Variants in SPINK2 observed in about 807,000 individuals in gnomAD.
SPINK2 encodes serine protease inhibitor Kazal-type 2.
Under a neutral mutation model 13.5 loss-of-function variants are expected in SPINK2, and 8 were observed. The observed-to-expected ratio is 0.59, with a 90% CI of 0.35 to 1.07. The LOEUF is 1.07. Ranked by LOEUF, SPINK2 falls within the 50% of genes least tolerant of loss-of-function variation. The probability of loss-of-function intolerance (pLI) is 0.02; values close to 1 mark genes in which losing one functional copy is unlikely to be tolerated. For missense variants in SPINK2, 148 were observed against 180.3 expected (o/e 0.82, Z 1.03); for synonymous variants, 76 against 74.7 (o/e 1.02, Z -0.09).
In SPINK2 at chr4:56,816,417, C is replaced by T. The variant is rs926117611; in HGVS notation, c.249+4119G>A. On this transcript the variant is annotated intron_variant, in intron 2 of 3. Transcript: ENST00000506738. ...CTGTAATCCCACCACTTTGGGAGGC[C>T]GAGGTGGGAGGATCACTTGAGGTCA... is the stretch of plus-strand genomic sequence containing the variant. Among the ~76,000 whole-genome samples the T allele has an allele frequency of 5.3e-5, 8 of 151,594 alleles. No individual in the cohort carries two copies. In the South Asian group the frequency reaches 6.3e-4, roughly 12 times the overall value.
At chr4:56,813,192 G>A (rs1468749012) in intron 2 of SPINK2, among the ~76,000 whole-genome samples, 4 of 152,114 alleles carry the variant, frequency 2.6e-5, no homozygotes, top group African/African-American at 4.8e-5. Context: ...GGGTGGTGGC[G>A]CATGCTTGTA....
intron 2 of SPINK2, among the ~76,000 whole-genome samples, chr4:56,820,000 A>C (rs1717799622): frequency 6.6e-6 from 1 of 152,138 alleles, no homozygotes; most frequent in African/African-American, 2.4e-5. Flanking sequence ...GAGAAAACCA[A>C]ATACACACCC....
At position 56,811,688 on chromosome 4, in the gene SPINK2, A is replaced by G. The variant is rs1414997909; in HGVS notation, c.356T>C (p.Ile119Thr). The part of the protein sequence containing the change: ...YANECTLCMK[I>T]REGGHNIKII... ...TACAGCTGTAAAATCATGTTACCTGATTTTCATGCACAGAGTACATTCATT... is the reference window on the plus strand; with the variant it reads ...TACAGCTGTAAAATCATGTTACCTGGTTTTCATGCACAGAGTACATTCATT... Residue 119 changes from isoleucine to threonine, a missense_variant, in exon 3 of 4, where the codon ATC becomes ACC. Ile to Thr is a moderately conservative substitution (Grantham distance 89). Transcript: ENST00000506738. 1.3e-6 allele frequency: 2 copies of G among 1,598,592 alleles called. No homozygotes were observed. The highest frequency in any genetic ancestry group is 2.2e-5 in the South Asian group (2 of 89,406).
rs116373735 is a variant in SPINK2, at chr4:56,811,753, G to A, written c.291C>T (p.His97=). The A allele has an allele frequency of 8.7e-6, 14 of 1,611,672 alleles. No homozygotes were observed. In the African/African-American group the frequency reaches 1.9e-4, roughly 22 times the overall value. The change falls in exon 3 of 4, where the codon CAC becomes CAT. Residue 97 remains histidine (H), a synonymous_variant. Coordinates refer to ENST00000506738, the MANE Select transcript of SPINK2 (RefSeq NM_001271718.2). ...TGTCACTGCCACACACAGGGTTAAAGTGTCTGGGACATCCTGGTAATCTAT... is the reference window on the plus strand; with the variant it reads ...TGTCACTGCCACACACAGGGTTAAAATGTCTGGGACATCCTGGTAATCTAT... ...SQYRLPGCPR[H]FNPVCGSDMS...
At chr4:56,821,402 G>C in intron 1 of SPINK2, 56 bp downstream of exon 1, 1 of 1,452,162 alleles carries the variant, frequency 6.9e-7, no homozygotes, top group Non-Finnish European at 9.0e-7. Flanking sequence ...AAGAACTAAA[G>C]AGGGTGGCTG....
intron 2 of SPINK2, among the ~76,000 whole-genome samples, chr4:56,813,034 T>C (rs760755864): frequency 2.0e-5 from 3 of 152,082 alleles, no homozygotes; most frequent in East Asian, 1.9e-4. Context: ...TTAATTCTCA[T>C]AGAAGAGCGG....
intron 2 of SPINK2, among the ~76,000 whole-genome samples, chr4:56,819,658 T>C (rs11732521): frequency 0.37 from 55,633 of 149,378 alleles, 10,958 homozygotes; most frequent in East Asian, 0.59. Flanking sequence ...CTCTGTTGTC[T>C]GGGCTGGAGT....
rs368929102 is a variant in SPINK2 at position 56,811,703 on chromosome 4, G to C, written c.341C>G (p.Thr114Ser). The C allele has an allele frequency of 1.2e-6, 2 of 1,608,000 alleles. No homozygotes were observed. The highest frequency in any genetic ancestry group is 4.5e-5 in the East Asian group (2 of 44,704). The stretch of plus-strand genomic sequence containing the variant: ...ATGTTACCTGATTTTCATGCACAGA[G>C]TACATTCATTGGCATAAGTGGACAT... ...SDMSTYANEC[T>S]LCMKIREGGH... is the part of the protein sequence containing the mutation. Residue 114 changes from threonine to serine, a missense_variant, in exon 3 of 4, where the codon ACT becomes AGT. Coordinates refer to ENST00000506738, the MANE Select transcript of SPINK2 (RefSeq NM_001271718.2).
intron 2 of SPINK2, among the ~76,000 whole-genome samples, chr4:56,813,090 G>T (rs1186979626): frequency 6.6e-6 from 1 of 152,190 alleles, no homozygotes; most frequent in Admixed American, 6.6e-5. Context: ...GGGAGGCTGA[G>T]GCAGGTGGAT....
intron 1 of SPINK2, 84 bp downstream of exon 1, chr4:56,821,374 T>C (rs1717919263): frequency 5.6e-6 from 8 of 1,418,960 alleles, no homozygotes; most frequent in Admixed American, 3.0e-5. Context: ...TCCTTAGAGC[T>C]GGGAGCGAAG....
rs139625660 is a variant in SPINK2, at chr4:56,817,711, G to A, written c.249+2825C>T. Reference sequence around the variant, plus strand: ...TCTACTAAAGATATAGAAATTAGCCGAGCATGGCAGTGCACGCCTGTAATC... The same window carrying A: ...TCTACTAAAGATATAGAAATTAGCCAAGCATGGCAGTGCACGCCTGTAATC... On this transcript the variant is annotated intron_variant, in intron 2 of 3. Coordinates refer to ENST00000506738, the MANE Select transcript of SPINK2 (RefSeq NM_001271718.2). Among the ~76,000 whole-genome samples, 982 of 152,200 alleles carry A rather than the reference G, an allele frequency of 6.5e-3. 14 individuals are homozygous for A. The highest frequency in any genetic ancestry group is 0.022 in the African/African-American group (897 of 41,542).
At chr4:56,812,591 A>G (rs78108026) in intron 2 of SPINK2, among the ~76,000 whole-genome samples, 1 of 148,782 alleles carries the variant, frequency 6.7e-6, no homozygotes, top group African/African-American at 2.5e-5. Context: ...AAAAAAAAAA[A>G]GGACCTCAGA....
intron 3 of SPINK2, among the ~76,000 whole-genome samples, chr4:56,811,359 C>T (rs916098018): frequency 6.6e-6 from 1 of 152,178 alleles, no homozygotes; most frequent in Non-Finnish European, 1.5e-5. Flanking sequence ...TGGCTCACGC[C>T]TGTAATCCCA....
intron 2 of SPINK2, among the ~76,000 whole-genome samples, chr4:56,813,728 C>T (rs574169616): frequency 6.6e-6 from 1 of 151,980 alleles, no homozygotes; most frequent in South Asian, 2.1e-4. Context: ...AGCAATTCTC[C>T]TGTCTCAGCC....
intron 2 of SPINK2, among the ~76,000 whole-genome samples, chr4:56,820,284 T>A (rs777779996): frequency 4.6e-5 from 7 of 152,222 alleles, no homozygotes; most frequent in Non-Finnish European, 8.8e-5. Flanking sequence ...ACATAAAATA[T>A]CTAGTACAAG....
At chr4:56,815,761 T>TACACACACACAC (rs750290537) in intron 2 of SPINK2, among the ~76,000 whole-genome samples, 1 of 69,880 alleles carries the variant, frequency 1.4e-5, no homozygotes, top group Non-Finnish European at 2.9e-5. Flanking sequence ...TCCTAAGAAA[T>TACACACACACAC]TCACACACAC....
Position 56,811,756 on chromosome 4 carries a change from T to TC in SPINK2, c.287dup (p.His97ThrfsTer3). 6.2e-7 allele frequency: 1 copy of TC among 1,611,564 alleles called. No individual in the cohort carries two copies. Among genetic ancestry groups the TC allele is most frequent in the Non-Finnish European group, 8.5e-7 (1 of 1,178,438 alleles). On this transcript the variant is annotated frameshift_variant, in exon 3 of 4. Coordinates refer to ENST00000506738, the MANE Select transcript of SPINK2 (RefSeq NM_001271718.2). LOFTEE classifies it high-confidence loss of function. ...CACTGCCACACACAGGGTTAAAGTG[T>TC]CTGGGACATCCTGGTAATCTATACT...
At position 56,821,539 on chromosome 4, in the gene SPINK2, C is replaced by A; in HGVS notation, c.124G>T (p.Gly42Cys). 6.5e-7 allele frequency: 1 copy of A among 1,546,232 alleles called. No homozygotes were observed. The highest frequency in any genetic ancestry group is 8.7e-7 in the Non-Finnish European group (1 of 1,146,586). The change falls in exon 1 of 4, where the codon GGC becomes TGC. Residue 42 changes from glycine to cysteine, a missense_variant. Physicochemically the swap from Gly to Cys is radical, Grantham distance 159. Coordinates refer to ENST00000506738, the MANE Select transcript of SPINK2 (RefSeq NM_001271718.2). ...CCGCCCGGAGCAGGGCAGGGTCCGC[C>A]GCCGGTCTGACTCCCAAACCCGCTT... is the stretch of plus-strand genomic sequence containing the variant. ...EKSGFGSQTG[G>C]GPCPAPGGLG...
intron 2 of SPINK2, among the ~76,000 whole-genome samples, chr4:56,813,476 A>T (rs1373257451): frequency 2.0e-5 from 3 of 152,078 alleles, no homozygotes; most frequent in Non-Finnish European, 1.5e-5. Flanking sequence ...TCCTGTTAGG[A>T]GGAGGGAAGT....
Sources: allele counts gnomAD v4.1 joint callset (sites outside exome capture counted in the v4.1 genomes callset), GRCh38; gene constraint gnomAD v4.1.1; transcripts MANE v1.5; gene names NCBI Gene and HGNC (gene_info 2026-07-23, HGNC 2026-07-21).